The following ZNF229 variants were observed in gnomAD, a reference collection of about 807,000 sequenced individuals.
ZNF229 encodes the protein zinc finger protein 229.
Under a neutral mutation model 11.8 loss-of-function variants are expected in ZNF229, and 10 were observed. The observed-to-expected ratio is 0.85, with a 90% CI of 0.52 to 1.44. ZNF229 has a LOEUF of 1.44. Ranked by LOEUF, ZNF229 falls within the 40% of genes most tolerant of loss-of-function variation. The pLI, the probability that ZNF229 is intolerant of heterozygous loss-of-function variation, is 0.00. For synonymous variants in ZNF229, 368 were observed against 374.8 expected (o/e 0.98, Z 0.21); for missense variants, 1,045 against 1,015.1 (o/e 1.03, Z -0.40).
rs780928827 is a variant in ZNF229 at position 44,429,294 on chromosome 19, T to C, written c.1487A>G (p.Lys496Arg). The change falls in exon 6 of 6, where the codon AAA becomes AGA. Residue 496 changes from lysine (K) to arginine (R), a missense_variant. Transcript: ENST00000614049. ...AAGGTACGAGTTGTGACTGAAACCT[T>C]TGCCACACTTGTCACACTGGTAGGG... ...ERPYQCDKCG[K>R]GFSHNSYLQA... 9.3e-6 allele frequency: 15 copies of C among 1,614,006 alleles called. No homozygotes were observed. Among genetic ancestry groups the C allele is most frequent in the African/African-American group, 5.3e-5 (4 of 74,856 alleles).
intron 4 of ZNF229, among the ~76,000 whole-genome samples, chr19:44,440,055 A>G (rs949592585): frequency 1.3e-5 from 2 of 152,160 alleles, no homozygotes; most frequent in Non-Finnish European, 1.5e-5. Context: ...AACTGCACAG[A>G]CCATCTTAAC....
chr19:44,435,462 G>A (rs537305596), intron 4 of ZNF229, among the ~76,000 whole-genome samples: 17 of 152,316 alleles, frequency 1.1e-4, no homozygotes, highest in African/African-American at 3.8e-4. Flanking sequence ...CTTTCCTACT[G>A]AAGTCACACA....
intron 4 of ZNF229, among the ~76,000 whole-genome samples, chr19:44,435,102 T>A (rs1971790352): frequency 6.6e-6 from 1 of 152,214 alleles, no homozygotes; most frequent in African/African-American, 2.4e-5. Context: ...CTCTTTCCTT[T>A]ATAAATTACC....
chr19:44,432,144 G>A, intron 5 of ZNF229, 78 bp downstream of exon 5: 1 of 1,528,458 alleles, frequency 6.5e-7, no homozygotes, highest in Non-Finnish European at 8.7e-7. Flanking sequence ...ATAAAAATAG[G>A]ATTTAACCTG....
chr19:44,428,771 G>A lies in ZNF229; in HGVS notation c.2010C>T (p.Ser670=), dbSNP rs948687759. Residue 670 remains serine (S), a synonymous_variant, in exon 6 of 6, where the codon AGC becomes AGT. Transcript: ENST00000614049. The part of the protein sequence containing the change: ...ECGKGFRCTS[S]LHKHQRVHTG... ...TGTGGACTCGCTGATGTTTGTGAAG[G>A]CTTGATGTGCACCTAAAGCCCTTTC... 1 of 1,613,296 alleles carries A rather than the reference G, an allele frequency of 6.2e-7. No homozygotes were observed.
At chr19:44,432,475 G>A in intron 4 of ZNF229, 109 bp from the exon 5 acceptor site, 2 of 1,487,256 alleles carry the variant, frequency 1.3e-6, no homozygotes, top group Non-Finnish European at 1.8e-6. Flanking sequence ...TTAAGAAAAT[G>A]TGGCACATAT....
Position 44,429,897 on chromosome 19 carries a change from T to C in ZNF229, c.884A>G (p.Tyr295Cys), listed in dbSNP as rs757592364. ...CCTCAAGCCCTCACTAAACTCATCA[T>C]ATTGACAGAGTTTCTCTTTCAAAGG... ...RVPLKEKLCQ[Y>C]DEFSEGLRHS... Residue 295 changes from tyrosine to cysteine, a missense_variant, in exon 6 of 6, where the codon TAT becomes TGT. Tyr to Cys is a radical substitution (Grantham distance 194). Transcript: ENST00000614049. 8.1e-6 allele frequency: 13 copies of C among 1,614,088 alleles called. No individual in the cohort carries two copies. In the South Asian group the frequency reaches 8.8e-5, roughly 11 times the overall value.
chr19:44,446,801 A>G (rs567162768), intron 2 of ZNF229, among the ~76,000 whole-genome samples: 16 of 152,368 alleles, frequency 1.1e-4, no homozygotes, highest in African/African-American at 3.6e-4. Context: ...AAAAAGGGCT[A>G]TGAAGAAAAT....
intron 4 of ZNF229, among the ~76,000 whole-genome samples, chr19:44,436,534 A>G (rs1157301051): frequency 6.6e-6 from 1 of 152,190 alleles, no homozygotes; most frequent in African/African-American, 2.4e-5. Context: ...TCATCCCAGC[A>G]CTTTGTGAGG....
chr19:44,431,067 C>A (rs1377849273), intron 5 of ZNF229, among the ~76,000 whole-genome samples: 1 of 152,106 alleles, frequency 6.6e-6, no homozygotes, highest in Non-Finnish European at 1.5e-5. Flanking sequence ...CCCACACGGC[C>A]TTCTCCCTGC....
intron 4 of ZNF229, among the ~76,000 whole-genome samples, chr19:44,438,030 C>T (rs1418206268): frequency 6.6e-6 from 1 of 152,066 alleles, no homozygotes; most frequent in Non-Finnish European, 1.5e-5. Flanking sequence ...AGGCTTATTG[C>T]CTGAGTGACA....
chr19:44,438,085 A>T (rs541649871), intron 4 of ZNF229, among the ~76,000 whole-genome samples: 20 of 152,188 alleles, frequency 1.3e-4, no homozygotes, highest in Non-Finnish European at 2.5e-4. Flanking sequence ...ATTCACCTAT[A>T]TAACAAACCT....
chr19:44,435,449 G>A (rs1370868140), intron 4 of ZNF229, among the ~76,000 whole-genome samples: 2 of 152,190 alleles, frequency 1.3e-5, no homozygotes, highest in African/African-American at 2.4e-5. Context: ...GCTTCCAAGA[G>A]TCCTTTCCTA....
rs1403659660 is a variant in ZNF229 at position 44,430,185 on chromosome 19, A to G, written c.596T>C (p.Val199Ala). The change falls in exon 6 of 6, where the codon GTT becomes GCT. Residue 199 changes from valine to alanine, a missense_variant. Transcript: ENST00000614049. The part of the protein sequence containing the change: ...AKAFVNQLGD[V>A]QERCKNLDTE... ...GTCGAGATTTTTACATCTTTCTTGA[A>G]CATCCCCTAACTGGTTCACAAACGC... 24 of 1,613,960 alleles carry G rather than the reference A, an allele frequency of 1.5e-5. No individual in the cohort carries two copies. In the African/African-American group the frequency reaches 2.7e-4, roughly 18 times the overall value.
At chr19:44,446,876 G>A (rs558299918) in intron 2 of ZNF229, among the ~76,000 whole-genome samples, 1 of 151,938 alleles carries the variant, frequency 6.6e-6, no homozygotes, top group Admixed American at 6.6e-5. Flanking sequence ...GAACATATGT[G>A]GCAGCTGTGG....
Position 44,447,170 on chromosome 19 carries a change from G to C in ZNF229, c.-178+343C>G, listed in dbSNP as rs1030355296. 4.6e-5 allele frequency among the ~76,000 whole-genome samples: 7 copies of C among 152,286 alleles called. No homozygotes were observed. In the East Asian group the frequency reaches 1.2e-3, roughly 25 times the overall value. ...CATTTATTCAAATATTTATTGGCAA[G>C]CCTGGCACTGTCCTAGACACCATGG... On this transcript the variant is annotated intron_variant, in intron 2 of 5. Transcript: ENST00000614049.
At chr19:44,446,920 G>A (rs1600038444) in intron 2 of ZNF229, among the ~76,000 whole-genome samples, 1 of 152,218 alleles carries the variant, frequency 6.6e-6, no homozygotes, top group African/African-American at 2.4e-5. Context: ...GTCAGGGACA[G>A]TCTCTAAGAG....
intron 2 of ZNF229, among the ~76,000 whole-genome samples, chr19:44,443,931 G>A (rs1971959027): frequency 6.6e-6 from 1 of 151,518 alleles, no homozygotes; most frequent in Non-Finnish European, 1.5e-5. Context: ...CTTCTGCCCC[G>A]CCCCACCCCC....
chr19:44,442,677 T>C (rs1971934249), intron 3 of ZNF229, 56 bp from the exon 4 acceptor site: 2 of 1,608,384 alleles, frequency 1.2e-6, no homozygotes, highest in Non-Finnish European at 1.7e-6. Flanking sequence ...AAGCTCTAGA[T>C]CATCTACCTG....
Sources: gnomAD v4.1 joint callset for allele counts (sites outside exome capture counted in the v4.1 genomes callset) on GRCh38, gnomAD v4.1.1 for gene constraint, MANE v1.5 for transcripts, NCBI Gene and HGNC (gene_info 2026-07-23, HGNC 2026-07-21) for gene names.